The following CERT1 variants were observed in gnomAD, a reference collection of about 807,000 sequenced individuals.
CERT1 encodes the protein ceramide transfer protein.
Under a neutral mutation model 87.9 loss-of-function variants are expected in CERT1, and 31 were observed. The ratio of observed to expected loss-of-function variants is 0.35; its 90% CI spans 0.27 to 0.48. The LOEUF (loss-of-function observed/expected upper bound fraction) is 0.48, where lower values mean the gene tolerates loss of function less well. CERT1 is among the 20% of genes least tolerant of loss of function. The probability of loss-of-function intolerance (pLI) is 0.99; values close to 1 mark genes in which losing one functional copy is unlikely to be tolerated. For synonymous variants in CERT1, 289 were observed against 250.9 expected, an observed-to-expected ratio of 1.15 and a Z score of -1.44; for missense variants, 487 against 758.0, an observed-to-expected ratio of 0.64 and a Z score of 4.20.
chr5:75,448,823 T>A (rs1024797768), intron 3 of CERT1, among the ~76,000 whole-genome samples: 1 of 152,196 alleles, frequency 6.6e-6, no homozygotes. Context: ...TTTAATATCT[T>A]CTGTAAGAAT....
At chr5:75,511,832 A>C (rs909601589), upstream of CERT1, 33 of 1,550,474 alleles carry the variant, frequency 2.1e-5, no homozygotes, top group African/African-American at 2.7e-5. Context: ...GTAGGGATGC[A>C]GCTGTGCTGC....
At chr5:75,491,738 A>G (rs1182641612) in intron 2 of CERT1, among the ~76,000 whole-genome samples, 4 of 152,150 alleles carry the variant, frequency 2.6e-5, no homozygotes, top group Non-Finnish European at 4.4e-5. Flanking sequence ...AGTAATGTTC[A>G]AGGTGTTGTT....
intron 16 of CERT1, among the ~76,000 whole-genome samples, 194 bp downstream of exon 16, chr5:75,380,878 T>TAG (rs1761550489): frequency 6.6e-6 from 1 of 151,690 alleles, no homozygotes; most frequent in South Asian, 2.1e-4. Context: ...ACTCATATAG[T>TAG]AGTAGTTCCA....
In CERT1 at chr5:75,478,980, A is replaced by C. The variant is rs140642689; in HGVS notation, c.232-19799T>G. On this transcript the variant is annotated intron_variant, in intron 2 of 16. Transcript: ENST00000643780. The stretch of plus-strand genomic sequence containing the variant: ...CAAAAGGACCAAGAAATCAGCTCGA[A>C]GGTGCTTCTATTAGCCATATCTAGG... Among the ~76,000 whole-genome samples the C allele has an allele frequency of 5.3e-4, 80 of 149,710 alleles. 2 individuals are homozygous for C. The East Asian group carries it at 0.015, about 28-fold the overall frequency.
At chr5:75,452,717 T>C (rs919178496) in intron 3 of CERT1, among the ~76,000 whole-genome samples, 14 of 152,212 alleles carry the variant, frequency 9.2e-5, no homozygotes, top group African/African-American at 2.9e-4. Flanking sequence ...AGCTTAACTT[T>C]ACACAATCTT....
intron 2 of CERT1, among the ~76,000 whole-genome samples, chr5:75,473,770 T>G (rs1222950608): frequency 6.6e-6 from 1 of 152,214 alleles, no homozygotes; most frequent in East Asian, 1.9e-4. Context: ...AGGTAATATA[T>G]TTGTTAGCTA....
At chr5:75,387,357 T>C (rs1761833121) in intron 12 of CERT1, among the ~76,000 whole-genome samples, 1 of 152,194 alleles carries the variant, frequency 6.6e-6, no homozygotes, top group Non-Finnish European at 1.5e-5. Flanking sequence ...TTTCTACTGT[T>C]CTAGGTAGGC....
At chr5:75,435,293 T>C (rs111655392) in intron 3 of CERT1, among the ~76,000 whole-genome samples, 1 of 152,232 alleles carries the variant, frequency 6.6e-6, no homozygotes, top group African/African-American at 2.4e-5. Context: ...TTCTGTTTGG[T>C]TCTTTCCTAA....
At chr5:75,479,473 A>T (rs1766126310) in intron 2 of CERT1, among the ~76,000 whole-genome samples, 1 of 152,110 alleles carries the variant, frequency 6.6e-6, no homozygotes, top group South Asian at 2.1e-4. Context: ...AGTAGACCCC[A>T]GAGTCCATTG....
chr5:75,411,087 C>G lies in CERT1; in HGVS notation c.854G>C (p.Arg285Thr), dbSNP rs780461328. ...KRLDKETEKK[R>T]RTEEAYKNAM... ...ATTTTTATATGCTTCCTCTGTTCTT[C>G]TTTTCTTCTCAGTTTCCTATTAAAA... Residue 285 changes from arginine (R) to threonine (T), a missense_variant, in exon 8 of 17, where the codon AGA (arginine) becomes ACA (threonine). Transcript: ENST00000643780. 6.4e-7 allele frequency: 1 copy of G among 1,574,128 alleles called. No individual in the cohort carries two copies. Among genetic ancestry groups the G allele is most frequent in the Non-Finnish European group, 8.6e-7 (1 of 1,158,854 alleles).
chr5:75,449,630 T>A (rs1231754587), intron 3 of CERT1, among the ~76,000 whole-genome samples: 3 of 152,120 alleles, frequency 2.0e-5, no homozygotes, highest in Non-Finnish European at 4.4e-5. Context: ...TCCAAGTGTG[T>A]GCACAATTTA....
In CERT1 at chr5:75,426,492, T is replaced by C; in HGVS notation, c.349-14A>G. 6.7e-7 allele frequency: 1 copy of C among 1,503,736 alleles called. No homozygotes were observed. The highest frequency in any genetic ancestry group is 1.7e-5 in the Admixed American group (1 of 58,306). The allele number at this position is 1,503,736 out of a possible 1,614,324, so 93.1% of individuals were successfully genotyped here. On this transcript the variant is annotated splice_polypyrimidine_tract_variant and intron_variant, in intron 3 of 16. Transcript: ENST00000643780. ...TCCAGATTCAGTCTAAAAAAAAAAG[T>C]AAACTATGTGAAAAGAATTTAAATA...
At chr5:75,417,886 G>A (rs1763208877) in intron 6 of CERT1, among the ~76,000 whole-genome samples, 1 of 152,244 alleles carries the variant, frequency 6.6e-6, no homozygotes, top group South Asian at 2.1e-4. Context: ...GCTGGGCGCG[G>A]TGGCTCACGC....
rs191501695 is a variant in CERT1 at position 75,402,766 on chromosome 5, T to C, written c.1017+206A>G. 652 of 362,098 alleles carry C rather than the reference T, an allele frequency of 1.8e-3. 5 individuals carry two copies. The East Asian group carries it at 0.02, about 11-fold the overall frequency. 22.4% of individuals were successfully genotyped at this position (362,098 alleles called of 1,614,324 possible). On this transcript the variant is annotated intron_variant, in intron 9 of 16. Transcript: ENST00000643780. ...AGTAAGCCGAGATCGCGCCACTGCA[T>C]TCTAGCCTGGGCAACAGAGCGAGAC... is the stretch of plus-strand genomic sequence containing the variant.
At chr5:75,505,776 T>A (rs992275430) in intron 2 of CERT1, 1 of 357,426 alleles carries the variant, frequency 2.8e-6, no homozygotes, top group Non-Finnish European at 5.0e-6. Flanking sequence ...ACCCACCAGA[T>A]AAAAACTACA....
chr5:75,414,974 C>T lies in CERT1; in HGVS notation c.837+1902G>A, dbSNP rs373329813. ...TCAATTCTAAGAATTACCTGAAAGA[C>T]GTATTTGTTGATAAACAACTTTCTC... On this transcript the variant is annotated intron_variant, in intron 7 of 16. Coordinates refer to ENST00000643780, the MANE Select transcript of CERT1 (RefSeq NM_001379029.1). Among the ~76,000 whole-genome samples the T allele has an allele frequency of 2.6e-4, 40 of 152,078 alleles. No individual in the cohort carries two copies. The East Asian group carries it at 4.3e-3, about 16-fold the overall frequency.
intron 3 of CERT1, among the ~76,000 whole-genome samples, chr5:75,451,928 T>C (rs1306291287): frequency 6.6e-6 from 1 of 152,188 alleles, no homozygotes; most frequent in Non-Finnish European, 1.5e-5. Context: ...GATCTCTAAA[T>C]GGGTCTTGAG....
intron 6 of CERT1, among the ~76,000 whole-genome samples, chr5:75,417,882 C>T (rs540435209): frequency 3.0e-4 from 45 of 152,304 alleles, no homozygotes; most frequent in African/African-American, 9.9e-4. Flanking sequence ...ACTGGCTGGG[C>T]GCGGTGGCTC....
chr5:75,420,614 T>C (rs1052459810), intron 5 of CERT1, among the ~76,000 whole-genome samples: 1 of 152,184 alleles, frequency 6.6e-6, no homozygotes, highest in Admixed American at 6.5e-5. Flanking sequence ...AGGCTGTATC[T>C]GTATCCAGGC....
Sources: allele counts gnomAD v4.1 joint callset (sites outside exome capture counted in the v4.1 genomes callset), GRCh38; gene constraint gnomAD v4.1.1; transcripts MANE v1.5; gene names NCBI Gene and HGNC (gene_info 2026-07-23, HGNC 2026-07-21).